Variants in ALKBH6 observed in about 807,000 individuals in gnomAD.
The protein encoded by ALKBH6 is alkB homolog 6, nucleotide demethylase, also known as probable RNA/DNA demethylase ALKBH6.
ALKBH6 carries 20 observed loss-of-function variants against 25.1 expected under a neutral mutation model. The observed-to-expected ratio is 0.80, with a 90% CI of 0.56 to 1.16. The LOEUF is 1.16. Among genes scored for constraint, ALKBH6 ranks in the 50% most tolerant of loss-of-function variants. The pLI is 0.00. For missense variants in ALKBH6, 263 were observed against 326.5 expected (o/e 0.81, Z 1.50); for synonymous variants, 156 against 147.5 (o/e 1.06, Z -0.42).
At chr19:36,012,733 C>A (rs977684043) in intron 3 of ALKBH6, 2 of 394,970 alleles carry the variant, frequency 5.1e-6, no homozygotes, top group African/African-American at 4.1e-5. Context: ...TATTTTAGCA[C>A]AGGAAAGAGT....
chr19:36,009,460 C>A lies in ALKBH6; in HGVS notation c.547G>T (p.Gly183Cys), dbSNP rs538782058. 14 of 1,247,118 alleles carry A rather than the reference C, an allele frequency of 1.1e-5. No individual in the cohort carries two copies. The highest frequency in any genetic ancestry group is 4.1e-5 in the Admixed American group (1 of 24,162). The allele number at this position is 1,247,118 out of a possible 1,614,324, so 77.3% of individuals were successfully genotyped here. A position where few individuals can be genotyped will look rare whatever the true frequency, so the allele number is the denominator to read the frequency against. ...GCGTCTACGCGGGCGGCGGCGATGCCGTGGAGAAGACGCGTGTAGGCGGGG... is the reference window on the plus strand; with the variant it reads ...GCGTCTACGCGGGCGGCGGCGATGCAGTGGAGAAGACGCGTGTAGGCGGGG... The part of the protein sequence containing the change: ...RGPAYTRLLH[G>C]IAAARVDALD... Residue 183 changes from glycine to cysteine, a missense_variant, in exon 7 of 7, where the codon GGC becomes TGC. Gly to Cys is a radical substitution (Grantham distance 159). This residue lies in a region of ALKBH6 where 148 missense variants were observed against 157.5 expected (regional missense o/e 0.94). Coordinates refer to ENST00000378875, the MANE Select transcript of ALKBH6 (RefSeq NM_032878.5).
rs1160198239 is a variant in ALKBH6, at chr19:36,010,466, A to G, written c.453+101T>C. ...GGGGACAAGGGAAGGTATCTGGGAG[A>G]GTGCCAGGAGTACCCCGAAGGCATG... On this transcript the variant is annotated intron_variant, in intron 6 of 6. Coordinates refer to ENST00000378875, the MANE Select transcript of ALKBH6 (RefSeq NM_032878.5). The surrounding 1 kb of genome is among the most constrained non-coding windows in gnomAD (Gnocchi z 5.5). 1.0e-6 allele frequency: 1 copy of G among 999,930 alleles called. No homozygotes were observed. Among genetic ancestry groups the G allele is most frequent in the South Asian group, 1.4e-5 (1 of 70,144 alleles). 61.9% of individuals were successfully genotyped at this position (999,930 alleles called of 1,614,324 possible). A position where few individuals can be genotyped will look rare whatever the true frequency, so the allele number is the denominator to read the frequency against.
chr19:36,011,567 C>A, intron 3 of ALKBH6, 103 bp from the exon 4 acceptor site: 1 of 1,281,600 alleles, frequency 7.8e-7, no homozygotes, highest in South Asian at 1.3e-5. Context: ...GGAAATGGGT[C>A]ATCTGTGTCT....
chr19:36,009,555 TGCAGGGCGGGTTGAGGGTCA>T lies in ALKBH6; in HGVS notation c.454-22_454-3del. On this transcript the variant is annotated splice_polypyrimidine_tract_variant and splice_region_variant and intron_variant, in intron 6 of 6. Transcript: ENST00000378875. ...GGTGGGCCGGGGCGGAGGCCGAGGC[TGCAGGGCGGGTTGAGGGTCA>T]GCAGGGCTCAAGAAGTCGGGGGGTG... is the stretch of plus-strand genomic sequence containing the variant. 1.1e-6 allele frequency: 1 copy of T among 934,656 alleles called. No homozygotes were observed. 57.9% of individuals were successfully genotyped at this position (934,656 alleles called of 1,614,324 possible). A position where few individuals can be genotyped will look rare whatever the true frequency, so the allele number is the denominator to read the frequency against.
Position 36,009,231 on chromosome 19 carries a change from G to A in ALKBH6, c.*59C>T. On this transcript the variant is annotated 3_prime_UTR_variant, in exon 7 of 7. Coordinates refer to ENST00000378875, the MANE Select transcript of ALKBH6 (RefSeq NM_032878.5). ...TTGCCCACGGTTCCTAGGTCGCGGA[G>A]TCACAGCAGCCCCAAAGGGGCAGGA... The A allele has an allele frequency of 3.2e-6, 4 of 1,262,338 alleles. No homozygotes were observed. The South Asian group carries it at 8.8e-5, about 28-fold the overall frequency. 78.2% of individuals were successfully genotyped at this position (1,262,338 alleles called of 1,614,324 possible). A position where few individuals can be genotyped will look rare whatever the true frequency, so the allele number is the denominator to read the frequency against.
In ALKBH6 at chr19:36,013,100, A is replaced by T; in HGVS notation, c.55-11T>A. The T allele has an allele frequency of 6.2e-7, 1 of 1,612,792 alleles. No individual in the cohort carries two copies. Among genetic ancestry groups the T allele is most frequent in the Non-Finnish European group, 8.5e-7 (1 of 1,178,828 alleles). On this transcript the variant is annotated splice_polypyrimidine_tract_variant and intron_variant, in intron 2 of 6. Transcript: ENST00000378875. The surrounding 1 kb of genome is among the most constrained non-coding windows in gnomAD (Gnocchi z 4.6). ...GATTACAGGTGGTGCCTAGGATAGA[A>T]AGACCCCCTGAAGGTGTGGCCCTTC...
Position 36,013,736 on chromosome 19 carries a change from G to T in ALKBH6, c.-25-314C>A, listed in dbSNP as rs1968690992. 38 of 1,289,670 alleles carry T rather than the reference G, an allele frequency of 2.9e-5. No individual in the cohort carries two copies. Among genetic ancestry groups the T allele is most frequent in the Non-Finnish European group, 3.7e-5 (38 of 1,013,930 alleles). 79.9% of individuals were successfully genotyped at this position (1,289,670 alleles called of 1,614,324 possible). ...CACACACAGGGAGCCTTTCTCAAAA[G>T]CTCTACACATAGCCCCCAGGGCTGC... is the stretch of plus-strand genomic sequence containing the variant. On this transcript the variant is annotated intron_variant, in intron 1 of 6. Coordinates refer to ENST00000378875, the MANE Select transcript of ALKBH6 (RefSeq NM_032878.5). This position sits in a 1 kb window ranked among gnomAD's most constrained non-coding sequence, Gnocchi z 4.6.
chr19:36,011,479 G>A lies in ALKBH6; in HGVS notation c.124-15C>T, dbSNP rs755392260. On this transcript the variant is annotated splice_polypyrimidine_tract_variant and intron_variant, in intron 3 of 6. Transcript: ENST00000378875. ...GCATTAAAAACCTAAGAGGTGGGAA[G>A]GGGGTCACTCCTTTCTCAGGATCAC... is the stretch of plus-strand genomic sequence containing the variant. 45 of 1,613,516 alleles carry A rather than the reference G, an allele frequency of 2.8e-5. No homozygotes were observed. Among genetic ancestry groups the A allele is most frequent in the Non-Finnish European group, 3.6e-5 (43 of 1,179,828 alleles).
Position 36,009,123 on chromosome 19 carries a change from A to T in ALKBH6, c.*167T>A. The T allele has an allele frequency of 8.5e-7, 1 of 1,180,260 alleles. No individual in the cohort carries two copies. The allele number at this position is 1,180,260 out of a possible 1,614,324, so 73.1% of individuals were successfully genotyped here. On this transcript the variant is annotated 3_prime_UTR_variant, in exon 7 of 7. Coordinates refer to ENST00000378875, the MANE Select transcript of ALKBH6 (RefSeq NM_032878.5). ...AAAATAAAAATATAAAACCAAGGAAAGATTTTTTTGTTTATTTGGTATGGG... is the reference window on the plus strand; with the variant it reads ...AAAATAAAAATATAAAACCAAGGAATGATTTTTTTGTTTATTTGGTATGGG...
At chr19:36,011,188 TCA>T in intron 4 of ALKBH6, 143 bp from the exon 5 acceptor site, 1 of 1,249,936 alleles carries the variant, frequency 8.0e-7, no homozygotes, top group East Asian at 2.5e-5. Context: ...AGAGGTTTCC[TCA>T]CTTCTCCAGA....
chr19:36,013,951 A>C lies in ALKBH6; in HGVS notation c.-26+224T>G. 7.8e-5 allele frequency: 102 copies of C among 1,314,068 alleles called. No individual in the cohort carries two copies. The highest frequency in any genetic ancestry group is 2.2e-4 in the East Asian group (6 of 27,800). 81.4% of individuals were successfully genotyped at this position (1,314,068 alleles called of 1,614,324 possible). ...ATCCCCCCATTTGGACGCCCCTCGG[A>C]TTTCCCCTCCTGAGCGCCCCTTCAC... On this transcript the variant is annotated intron_variant, in intron 1 of 6. Transcript: ENST00000378875. This position sits in a 1 kb window ranked among gnomAD's most constrained non-coding sequence, Gnocchi z 4.6.
At chr19:36,012,871 A>G in intron 3 of ALKBH6, 150 bp downstream of exon 3, 1 of 753,990 alleles carries the variant, frequency 1.3e-6, no homozygotes, top group South Asian at 1.6e-5. Flanking sequence ...GGATTGGGCT[A>G]TCTCAGTAGA....
Position 36,013,736 on chromosome 19 carries a change from G to C in ALKBH6, c.-25-314C>G, listed in dbSNP as rs1968690992. 6 of 1,289,668 alleles carry C rather than the reference G, an allele frequency of 4.7e-6. No individual in the cohort carries two copies. The highest frequency in any genetic ancestry group is 5.9e-6 in the Non-Finnish European group (6 of 1,013,928). The allele number at this position is 1,289,668 out of a possible 1,614,324, so 79.9% of individuals were successfully genotyped here. A position where few individuals can be genotyped will look rare whatever the true frequency, so the allele number is the denominator to read the frequency against. On this transcript the variant is annotated intron_variant, in intron 1 of 6. Coordinates refer to ENST00000378875, the MANE Select transcript of ALKBH6 (RefSeq NM_032878.5). The surrounding 1 kb of genome is among the most constrained non-coding windows in gnomAD (Gnocchi z 4.6). ...CACACACAGGGAGCCTTTCTCAAAA[G>C]CTCTACACATAGCCCCCAGGGCTGC...
Position 36,010,451 on chromosome 19 carries a change from G to A in ALKBH6, c.453+116C>T. The A allele has an allele frequency of 1.1e-6, 1 of 886,056 alleles. No individual in the cohort carries two copies. Among genetic ancestry groups the A allele is most frequent in the Admixed American group, 1.9e-5 (1 of 52,226 alleles). The allele number at this position is 886,056 out of a possible 1,614,324, so 54.9% of individuals were successfully genotyped here. On this transcript the variant is annotated intron_variant, in intron 6 of 6. Coordinates refer to ENST00000378875, the MANE Select transcript of ALKBH6 (RefSeq NM_032878.5). This position sits in a 1 kb window ranked among gnomAD's most constrained non-coding sequence, Gnocchi z 5.5. ...GGGTACACCCCATGAGGGGACAAGG[G>A]AAGGTATCTGGGAGAGTGCCAGGAG...
chr19:36,013,196 C>A lies in ALKBH6; in HGVS notation c.55-107G>T. On this transcript the variant is annotated intron_variant, in intron 2 of 6. Transcript: ENST00000378875. The surrounding 1 kb of genome is among the most constrained non-coding windows in gnomAD (Gnocchi z 4.6). ...GAGACAGGCTCAGGATGTCCTCAGA[C>A]AGGTCAGGGTCTAAAGTCAAGGGAC... 7.0e-7 allele frequency: 1 copy of A among 1,438,076 alleles called. No individual in the cohort carries two copies. Among genetic ancestry groups the A allele is most frequent in the South Asian group, 1.2e-5 (1 of 85,528 alleles). The allele number at this position is 1,438,076 out of a possible 1,614,324, so 89.1% of individuals were successfully genotyped here. A position where few individuals can be genotyped will look rare whatever the true frequency, so the allele number is the denominator to read the frequency against.
intron 4 of ALKBH6, 115 bp downstream of exon 4, chr19:36,011,289 C>T: frequency 7.3e-7 from 1 of 1,374,190 alleles, no homozygotes; most frequent in Non-Finnish European, 9.9e-7. Flanking sequence ...CCTCCTGGCT[C>T]TTGGGGCCCC....
Position 36,013,873 on chromosome 19 carries a change from C to G in ALKBH6, c.-26+302G>C. 3.0e-6 allele frequency: 4 copies of G among 1,338,734 alleles called. No homozygotes were observed. The highest frequency in any genetic ancestry group is 2.9e-6 in the Non-Finnish European group (3 of 1,048,048). 82.9% of individuals were successfully genotyped at this position (1,338,734 alleles called of 1,614,324 possible). ...CCCACCGAATCCCATTCTGTGCACT[C>G]CTGTGACCCCAATCTGAGCCTCCTC... On this transcript the variant is annotated intron_variant, in intron 1 of 6. Coordinates refer to ENST00000378875, the MANE Select transcript of ALKBH6 (RefSeq NM_032878.5). This position sits in a 1 kb window ranked among gnomAD's most constrained non-coding sequence, Gnocchi z 4.6.
upstream of ALKBH6, chr19:36,014,232 A>T: frequency 6.2e-7 from 1 of 1,609,614 alleles, no homozygotes; most frequent in South Asian, 1.1e-5. Context: ...CCTCCCAGCC[A>T]TTTCCGCCCC....
At position 36,010,432 on chromosome 19, in the gene ALKBH6, AC is replaced by A. The variant is rs1283064874; in HGVS notation, c.453+134del. On this transcript the variant is annotated intron_variant, in intron 6 of 6. Transcript: ENST00000378875. The surrounding 1 kb of genome is among the most constrained non-coding windows in gnomAD (Gnocchi z 5.5). ...TGGGTGTCTGGGAGGAAGTGGGTAC[AC>A]CCCATGAGGGGACAAGGGAAGGTAT... is the stretch of plus-strand genomic sequence containing the variant. 1.3e-6 allele frequency: 1 copy of A among 763,620 alleles called. No homozygotes were observed. The allele number at this position is 763,620 out of a possible 1,614,324, so 47.3% of individuals were successfully genotyped here.
Sources: gnomAD v4.1 joint callset for allele counts on GRCh38, gnomAD v4.1.1 for gene constraint, gnomAD v4.1.1 regional missense constraint, Gnocchi (gnomAD v3.1) non-coding constraint, MANE v1.5 for transcripts, NCBI Gene and HGNC (gene_info 2026-07-23, HGNC 2026-07-21) for gene names.